The following PID1 variants were observed in gnomAD, a reference collection of about 807,000 sequenced individuals.
PID1 encodes the protein phosphotyrosine interaction domain containing 1.
Under a neutral mutation model 19.1 loss-of-function variants are expected in PID1, and 10 were observed. The ratio of observed to expected loss-of-function variants is 0.52; its 90% CI spans 0.32 to 0.89. The LOEUF is 0.89. PID1 is among the 40% of genes least tolerant of loss of function. The pLI, the probability that PID1 is intolerant of heterozygous loss-of-function variation, is 0.03. For synonymous variants in PID1, 130 were observed against 116.0 expected (o/e 1.12, Z -0.78); for missense variants, 248 against 285.3 (o/e 0.87, Z 0.94).
intron 1 of PID1, among the ~76,000 whole-genome samples, chr2:229,236,985 CAT>C (rs572757314): frequency 0.27 from 15,898 of 58,690 alleles, 1,238 homozygotes; most frequent in African/African-American, 0.4. Context: ...TTTACACACA[CAT>C]ACACACACAC....
chr2:229,205,320 C>T (rs1367568389), intron 1 of PID1, among the ~76,000 whole-genome samples: 1 of 151,810 alleles, frequency 6.6e-6, no homozygotes, highest in Non-Finnish European at 1.5e-5. Context: ...TGTATCTTTC[C>T]ATCTGTATAT....
At position 229,178,615 on chromosome 2, in the gene PID1, T is replaced by TAA. The variant is rs534660595; in HGVS notation, c.31-22653_31-22652dup. ...GGTCATTTTCTATAATAAGCCACAA[T>TAA]AAAAAAAAAGTCCATTTCTTCTGAA... is the stretch of plus-strand genomic sequence containing the variant. On this transcript the variant is annotated intron_variant, in intron 1 of 2. Coordinates refer to ENST00000392055, the MANE Select transcript of PID1 (RefSeq NM_001100818.2). Among the ~76,000 whole-genome samples, 36 of 150,982 alleles carry TAA rather than the reference T, an allele frequency of 2.4e-4. No homozygotes were observed. In the South Asian group the frequency reaches 5.7e-3, roughly 24 times the overall value.
chr2:229,241,619 A>G (rs1228831956), intron 1 of PID1, among the ~76,000 whole-genome samples: 1 of 152,154 alleles, frequency 6.6e-6, no homozygotes, highest in East Asian at 1.9e-4. Context: ...CCTTTCCTGA[A>G]AAGTTAGTGA....
chr2:229,256,442 T>C (rs997569298), intron 1 of PID1, among the ~76,000 whole-genome samples: 5 of 152,210 alleles, frequency 3.3e-5, no homozygotes, highest in Admixed American at 6.5e-5. Context: ...AGTTCAAGTA[T>C]TGAAGCACCC....
rs147934668 is a variant in PID1, at chr2:229,244,656, T to C, written c.30+26358A>G. On this transcript the variant is annotated intron_variant, in intron 1 of 2. Transcript: ENST00000392055. Reference sequence around the variant, plus strand: ...TTTTATTTTGTAACCCCCCAAATAATGCATTTATTACAAACACAAGATACC... The same window carrying C: ...TTTTATTTTGTAACCCCCCAAATAACGCATTTATTACAAACACAAGATACC... Among the ~76,000 whole-genome samples, 4 of 152,258 alleles carry C rather than the reference T, an allele frequency of 2.6e-5. No homozygotes were observed. In the East Asian group the frequency reaches 7.7e-4, roughly 29 times the overall value.
rs141985545 is a variant in PID1 at position 229,030,184 on chromosome 2, T to A, written c.178-4076A>T. ...AAAGACAAGTACTGTATGATTCTAT[T>A]TGTATGAAGTATTTAGAGTAGTTAA... is the stretch of plus-strand genomic sequence containing the variant. On this transcript the variant is annotated intron_variant, in intron 2 of 2. Coordinates refer to ENST00000392055, the MANE Select transcript of PID1 (RefSeq NM_001100818.2). 1.7e-3 allele frequency among the ~76,000 whole-genome samples: 263 copies of A among 152,314 alleles called. 3 individuals carry two copies. In the East Asian group the frequency reaches 0.044, roughly 25 times the overall value.
intron 2 of PID1, among the ~76,000 whole-genome samples, chr2:229,055,112 A>C (rs2106187455): frequency 6.6e-6 from 1 of 152,284 alleles, no homozygotes; most frequent in South Asian, 2.1e-4. Flanking sequence ...TGTGGTCTCA[A>C]CACCTGCCAT....
intron 1 of PID1, among the ~76,000 whole-genome samples, chr2:229,235,191 T>G (rs556117602): frequency 1.3e-5 from 2 of 152,244 alleles, no homozygotes; most frequent in East Asian, 3.9e-4. Context: ...TTGACCCCTG[T>G]GGCGGGAGGA....
chr2:229,036,984 T>C (rs1425548748), intron 2 of PID1, among the ~76,000 whole-genome samples: 1 of 152,182 alleles, frequency 6.6e-6, no homozygotes, highest in Admixed American at 6.5e-5. Context: ...TTTTTCTAAA[T>C]GGAATGATTA....
At chr2:229,063,821 T>C (rs1174887484) in intron 2 of PID1, among the ~76,000 whole-genome samples, 1 of 152,144 alleles carries the variant, frequency 6.6e-6, no homozygotes, top group Non-Finnish European at 1.5e-5. Context: ...GTTAGGTGCA[T>C]ATATATTTAC....
At chr2:229,135,256 C>A (rs897242840) in intron 2 of PID1, among the ~76,000 whole-genome samples, 1 of 152,170 alleles carries the variant, frequency 6.6e-6, no homozygotes, top group African/African-American at 2.4e-5. Flanking sequence ...ATGCTCTTGT[C>A]CACCATTCAG....
intron 1 of PID1, among the ~76,000 whole-genome samples, chr2:229,172,916 A>G (rs1690740024): frequency 6.6e-6 from 1 of 152,038 alleles, no homozygotes; most frequent in African/African-American, 2.4e-5. Flanking sequence ...TATTTTTAGT[A>G]GAGATGGGAT....
chr2:229,120,305 C>T (rs1293121942), intron 2 of PID1, among the ~76,000 whole-genome samples: 1 of 152,042 alleles, frequency 6.6e-6, no homozygotes, highest in Non-Finnish European at 1.5e-5. Context: ...TTGATTAATA[C>T]ATATTTTGTA....
chr2:229,107,553 G>A (rs984983695), intron 2 of PID1, among the ~76,000 whole-genome samples: 4 of 150,334 alleles, frequency 2.7e-5, no homozygotes, highest in Admixed American at 6.6e-5. Context: ...GATGCAGCAC[G>A]TCTTGTTTAT....
chr2:229,115,402 G>GAAAAA (rs59442124), intron 2 of PID1, among the ~76,000 whole-genome samples: 1 of 120,592 alleles, frequency 8.3e-6, no homozygotes, highest in Non-Finnish European at 1.6e-5. Flanking sequence ...CTACTCTGGA[G>GAAAAA]AAAAAAAAAA....
At chr2:229,263,745 C>T (rs1690520158) in intron 1 of PID1, among the ~76,000 whole-genome samples, 1 of 152,206 alleles carries the variant, frequency 6.6e-6, no homozygotes, top group Non-Finnish European at 1.5e-5. Context: ...ATTAAATATG[C>T]TTTTCATATA....
rs1258997234 is a variant in PID1 at position 229,248,928 on chromosome 2, T to C, written c.30+22086A>G. 4.6e-5 allele frequency among the ~76,000 whole-genome samples: 7 copies of C among 152,364 alleles called. No homozygotes were observed. The South Asian group carries it at 1.4e-3, about 32-fold the overall frequency. ...CAACAGATAATGTGTTTAGGAATCTTAGAGACCTCTGGCTTTCTTGATGAT... is the reference window on the plus strand; with the variant it reads ...CAACAGATAATGTGTTTAGGAATCTCAGAGACCTCTGGCTTTCTTGATGAT... On this transcript the variant is annotated intron_variant, in intron 1 of 2. Transcript: ENST00000392055.
intron 1 of PID1, among the ~76,000 whole-genome samples, chr2:229,235,023 C>A (rs1692293799): frequency 6.6e-6 from 1 of 152,142 alleles, no homozygotes; most frequent in Non-Finnish European, 1.5e-5. Context: ...ATACTATTAT[C>A]TCAGCCTCTG....
Position 229,041,415 on chromosome 2 carries a change from T to C in PID1, c.178-15307A>G, listed in dbSNP as rs148153022. Among the ~76,000 whole-genome samples the C allele has an allele frequency of 5.0e-3, 764 of 152,262 alleles. 6 individuals are homozygous for C. The highest frequency in any genetic ancestry group is 0.017 in the African/African-American group (714 of 41,532). On this transcript the variant is annotated intron_variant, in intron 2 of 2. Coordinates refer to ENST00000392055, the MANE Select transcript of PID1 (RefSeq NM_001100818.2). ...GAATGGGTAGGAATCCATGAATCAA[T>C]ATTGATATAAATAGATAAATGAATA... is the stretch of plus-strand genomic sequence containing the variant.
Sources: gnomAD v4.1 joint callset for allele counts (sites outside exome capture counted in the v4.1 genomes callset) on GRCh38, gnomAD v4.1.1 for gene constraint, MANE v1.5 for transcripts, NCBI Gene and HGNC (gene_info 2026-07-23, HGNC 2026-07-21) for gene names.